The following TTPA variants were observed in gnomAD, a reference collection of about 807,000 sequenced individuals.
TTPA encodes alpha-tocopherol transfer protein.
TTPA carries 23 observed loss-of-function variants against 25.9 expected under a neutral mutation model. That is an observed-to-expected ratio of 0.89 (90% CI 0.64 to 1.26). TTPA has a LOEUF of 1.26. Among genes scored for constraint, TTPA ranks in the 50% most tolerant of loss-of-function variants. The pLI, the probability that TTPA is intolerant of heterozygous loss-of-function variation, is 0.00. For synonymous variants in TTPA, 148 were observed against 137.3 expected, an observed-to-expected ratio of 1.08 and a Z score of -0.54; for missense variants, 337 against 353.1, an observed-to-expected ratio of 0.95 and a Z score of 0.37.
intron 1 of TTPA, among the ~76,000 whole-genome samples, chr8:63,073,835 A>G (rs948738676): frequency 6.6e-6 from 1 of 152,208 alleles, no homozygotes. Context: ...AGAGCCCAGG[A>G]GCAGTATACT....
In TTPA at chr8:63,061,216, T is replaced by C; in HGVS notation, c.*36A>G. 1 of 1,603,164 alleles carries C rather than the reference T, an allele frequency of 6.2e-7. No homozygotes were observed. Among genetic ancestry groups the C allele is most frequent in the Non-Finnish European group, 8.5e-7 (1 of 1,172,900 alleles). On this transcript the variant is annotated 3_prime_UTR_variant, in exon 5 of 5. Coordinates refer to ENST00000260116, the MANE Select transcript of TTPA (RefSeq NM_000370.3). ...AACCAGGTTGGATATCACTCATGTA[T>C]TTTTAGTTAGGAAGCCATTCACATG... is the stretch of plus-strand genomic sequence containing the variant.
At chr8:63,072,650 T>TAC (rs1805500782) in intron 2 of TTPA, among the ~76,000 whole-genome samples, 1 of 152,252 alleles carries the variant, frequency 6.6e-6, no homozygotes, top group African/African-American at 2.4e-5. Flanking sequence ...TCTTATTTTG[T>TAC]ACAGTTGACT....
chr8:63,086,040 G>C lies in TTPA; in HGVS notation c.-19C>G. On this transcript the variant is annotated 5_prime_UTR_variant, in exon 1 of 5. Coordinates refer to ENST00000260116, the MANE Select transcript of TTPA (RefSeq NM_000370.3). ...CTGCCATGCCCGCCGCCGCTGCTGC[G>C]GCCGCAGCTACCCGGGCACCCGGGA... The C allele has an allele frequency of 7.1e-7, 1 of 1,400,882 alleles. No homozygotes were observed. Among genetic ancestry groups the C allele is most frequent in the Non-Finnish European group, 9.3e-7 (1 of 1,077,330 alleles). The allele number at this position is 1,400,882 out of a possible 1,614,324, so 86.8% of individuals were successfully genotyped here.
At chr8:63,058,640 C>A (rs1805240415), downstream of TTPA, among the ~76,000 whole-genome samples, 1 of 152,134 alleles carries the variant, frequency 6.6e-6, no homozygotes, top group Non-Finnish European at 1.5e-5. Flanking sequence ...CATTTATAAA[C>A]ACTTCAAAGT....
At chr8:63,082,634 T>G (rs958325501) in intron 1 of TTPA, among the ~76,000 whole-genome samples, 17 of 152,074 alleles carry the variant, frequency 1.1e-4, no homozygotes, top group Non-Finnish European at 5.9e-5. Context: ...AAGCCAAAAC[T>G]GAGAAACGGG....
At chr8:63,084,889 C>A in intron 1 of TTPA, among the ~76,000 whole-genome samples, 1 of 152,178 alleles carries the variant, frequency 6.6e-6, no homozygotes, top group East Asian at 1.9e-4. Flanking sequence ...GTTGCTTTCA[C>A]TCTAAAACAA....
rs889328148 is a variant in TTPA, at chr8:63,065,139, T to C, written c.552+765A>G. The stretch of plus-strand genomic sequence containing the variant: ...CTATTTTCTGGACTAATAAACTATT[T>C]ATTTTACTTCTTTACTGAAATTGAT... On this transcript the variant is annotated intron_variant, in intron 3 of 4. Coordinates refer to ENST00000260116, the MANE Select transcript of TTPA (RefSeq NM_000370.3). 3.3e-5 allele frequency among the ~76,000 whole-genome samples: 5 copies of C among 152,234 alleles called. No individual in the cohort carries two copies. The South Asian group carries it at 8.3e-4, about 25-fold the overall frequency.
chr8:63,066,030 A>C lies in TTPA; in HGVS notation c.426T>G (p.Leu142=). ...GCTGAGTTTCTACCTCCTGTACAAT[A>C]AGCTCGGATGTGATTAGACTTACTC... ...VFRVSLITSE[L]IVQEVETQRN... The change falls in exon 3 of 5, where the codon CTT becomes CTG. Residue 142 remains leucine (L), a synonymous_variant. Coordinates refer to ENST00000260116, the MANE Select transcript of TTPA (RefSeq NM_000370.3). The C allele has an allele frequency of 6.2e-7, 1 of 1,614,102 alleles. No individual in the cohort carries two copies. The highest frequency in any genetic ancestry group is 1.1e-5 in the South Asian group (1 of 91,082).
intron 1 of TTPA, among the ~76,000 whole-genome samples, chr8:63,083,574 A>G (rs1248033888): frequency 1.3e-5 from 2 of 151,428 alleles, no homozygotes; most frequent in Non-Finnish European, 2.9e-5. Flanking sequence ...AACATGGCAC[A>G]TGTATATCTA....
At chr8:63,080,234 G>A (rs886621587) in intron 1 of TTPA, among the ~76,000 whole-genome samples, 5 of 152,098 alleles carry the variant, frequency 3.3e-5, no homozygotes, top group Non-Finnish European at 7.3e-5. Flanking sequence ...ATCTCAAATC[G>A]ACACCCTAAC....
chr8:63,065,767 T>G, intron 3 of TTPA, 137 bp downstream of exon 3: 1 of 967,686 alleles, frequency 1.0e-6, no homozygotes, highest in Non-Finnish European at 1.5e-6. Context: ...TTAGCATTGT[T>G]GAATTCTACA....
At position 63,059,675 on chromosome 8, in the gene TTPA, T is replaced by C. The variant is rs1763205989; in HGVS notation, c.*1577A>G. The stretch of plus-strand genomic sequence containing the variant: ...CTAAGTATAAAACTTATGTCATAAA[T>C]TGAGGGCTATGTTGAATTTGAAAGC... On this transcript the variant is annotated 3_prime_UTR_variant, in exon 5 of 5. Coordinates refer to ENST00000260116, the MANE Select transcript of TTPA (RefSeq NM_000370.3). The C allele has an allele frequency of 6.6e-6, 1 of 152,160 alleles. No individual in the cohort carries two copies. Among genetic ancestry groups the C allele is most frequent in the Non-Finnish European group, 1.5e-5 (1 of 68,020 alleles). 9.4% of individuals were successfully genotyped at this position (152,160 alleles called of 1,614,324 possible).
intron 1 of TTPA, among the ~76,000 whole-genome samples, chr8:63,077,850 T>G (rs1389770119): frequency 6.6e-6 from 1 of 152,204 alleles, no homozygotes; most frequent in African/African-American, 2.4e-5. Flanking sequence ...ATGGACAGAC[T>G]GCCTCCTCAA....
At chr8:63,064,959 A>G (rs1026541875) in intron 3 of TTPA, among the ~76,000 whole-genome samples, 1 of 152,102 alleles carries the variant, frequency 6.6e-6, no homozygotes, top group African/African-American at 2.4e-5. Flanking sequence ...CCTTCTATGC[A>G]TAATTTTCTT....
At chr8:63,075,735 A>C (rs6472069) in intron 1 of TTPA, among the ~76,000 whole-genome samples, 9,553 of 150,048 alleles carry the variant, frequency 0.064, 580 homozygotes, top group African/African-American at 0.15. Context: ...AAGTAAAGCT[A>C]TGAGAAATTA....
At chr8:63,080,719 CAA>C (rs764937720) in intron 1 of TTPA, among the ~76,000 whole-genome samples, 5 of 69,920 alleles carry the variant, frequency 7.2e-5, no homozygotes, top group African/African-American at 1.3e-4. Context: ...GACTCCGTAT[CAA>C]AAAAAAAAAA....
intron 2 of TTPA, among the ~76,000 whole-genome samples, chr8:63,067,554 A>T (rs1805413353): frequency 6.6e-6 from 1 of 151,676 alleles, no homozygotes; most frequent in Non-Finnish European, 1.5e-5. Flanking sequence ...AAAAAAAAAA[A>T]ACAACAAAAG....
chr8:63,080,065 T>C (rs1805635658), intron 1 of TTPA, among the ~76,000 whole-genome samples: 2 of 152,188 alleles, frequency 1.3e-5, no homozygotes, highest in Admixed American at 6.5e-5. Context: ...TGCTCCTGAA[T>C]GACTACTGGG....
intron 1 of TTPA, among the ~76,000 whole-genome samples, chr8:63,082,110 A>G (rs112931359): frequency 6.6e-6 from 1 of 152,208 alleles, no homozygotes; most frequent in East Asian, 1.9e-4. Flanking sequence ...CAAGCTACCA[A>G]TGACTTTCTT....
Sources: gnomAD v4.1 joint callset for allele counts (sites outside exome capture counted in the v4.1 genomes callset) on GRCh38, gnomAD v4.1.1 for gene constraint, MANE v1.5 for transcripts, NCBI Gene and HGNC (gene_info 2026-07-23, HGNC 2026-07-21) for gene names.